Variants in CTIF observed in about 807,000 individuals in gnomAD.
The protein encoded by CTIF is cap binding complex dependent translation initiation factor.
Under a neutral mutation model 66.0 loss-of-function variants are expected in CTIF, and 21 were observed. The observed-to-expected ratio is 0.32, with a 90% CI of 0.23 to 0.46. CTIF has a LOEUF of 0.46. Ranked by LOEUF, CTIF falls within the 20% of genes least tolerant of loss-of-function variation. The probability of loss-of-function intolerance (pLI) is 1.00; values close to 1 mark genes in which losing one functional copy is unlikely to be tolerated. For missense variants in CTIF, 739 were observed against 812.7 expected, an observed-to-expected ratio of 0.91 and a Z score of 1.10; for synonymous variants, 345 against 326.4, an observed-to-expected ratio of 1.06 and a Z score of -0.62.
At chr18:48,756,244 C>G (rs1908351121) in intron 7 of CTIF, 1 of 152,156 alleles carries the variant, frequency 6.6e-6, no homozygotes, top group Non-Finnish European at 1.5e-5. Context: ...CCCAGCACCC[C>G]AACAGGGTGG....
At chr18:48,742,448 A>G (rs893472968) in intron 7 of CTIF, among the ~76,000 whole-genome samples, 1 of 152,196 alleles carries the variant, frequency 6.6e-6, no homozygotes, top group Non-Finnish European at 1.5e-5. Context: ...AAGAGGCTGA[A>G]CCTGCCACAG....
At chr18:48,637,530 G>T (rs1020599494) in intron 3 of CTIF, among the ~76,000 whole-genome samples, 1 of 152,200 alleles carries the variant, frequency 6.6e-6, no homozygotes, top group Non-Finnish European at 1.5e-5. Context: ...TTTCAGAGCC[G>T]CTGCAGTCAT....
intron 3 of CTIF, among the ~76,000 whole-genome samples, chr18:48,655,818 C>T (rs1161576710): frequency 1.3e-5 from 2 of 152,212 alleles, no homozygotes; most frequent in East Asian, 1.9e-4. Context: ...AGAGAGCATC[C>T]TCCCGCTGTC....
chr18:48,687,972 G>A lies in CTIF; in HGVS notation c.507+17228G>A, dbSNP rs970095221. Among the ~76,000 whole-genome samples the A allele has an allele frequency of 2.6e-5, 4 of 152,248 alleles. No individual in the cohort carries two copies. The East Asian group carries it at 7.7e-4, about 29-fold the overall frequency. On this transcript the variant is annotated intron_variant, in intron 6 of 11. Coordinates refer to ENST00000256413, the MANE Select transcript of CTIF (RefSeq NM_014772.3). ...ATTTCAACAATCCACGCATTCTGCA[G>A]TTCCTGAAAACCGCTTGTGTAGAAC...
At chr18:48,647,703 A>G (rs181137942) in intron 3 of CTIF, among the ~76,000 whole-genome samples, 215 of 152,350 alleles carry the variant, frequency 1.4e-3, no homozygotes, top group African/African-American at 4.9e-3. Flanking sequence ...AGAAACAGGA[A>G]AGGGATAGAA....
At chr18:48,603,907 G>A (rs1390318954) in intron 1 of CTIF, among the ~76,000 whole-genome samples, 4 of 150,342 alleles carry the variant, frequency 2.7e-5, no homozygotes, top group Non-Finnish European at 5.9e-5. Flanking sequence ...GGAGAGCAGA[G>A]GCGCAATCTT....
chr18:48,625,680 G>A (rs145289995), intron 2 of CTIF, among the ~76,000 whole-genome samples: 3 of 152,072 alleles, frequency 2.0e-5, no homozygotes, highest in Non-Finnish European at 4.4e-5. Context: ...GATTCTTCTG[G>A]GCTTGCACAT....
intron 7 of CTIF, among the ~76,000 whole-genome samples, chr18:48,740,188 C>G (rs1262883827): frequency 6.6e-6 from 1 of 152,192 alleles, no homozygotes; most frequent in Non-Finnish European, 1.5e-5. Flanking sequence ...CGGGCAATTC[C>G]CCTTCTTTCT....
intron 3 of CTIF, among the ~76,000 whole-genome samples, chr18:48,651,093 G>A (rs1466622736): frequency 2.0e-5 from 3 of 152,066 alleles, no homozygotes; most frequent in Admixed American, 6.6e-5. Flanking sequence ...CAATTAACGG[G>A]CAAAATAACC....
intron 9 of CTIF, among the ~76,000 whole-genome samples, chr18:48,810,585 T>C (rs2068238911): frequency 6.6e-6 from 1 of 152,074 alleles, no homozygotes; most frequent in Non-Finnish European, 1.5e-5. Flanking sequence ...GAAGCTTGTT[T>C]CAATTTAATC....
intron 5 of CTIF, among the ~76,000 whole-genome samples, chr18:48,667,019 A>G (rs926516646): frequency 6.6e-6 from 1 of 151,422 alleles, no homozygotes; most frequent in African/African-American, 2.4e-5. Flanking sequence ...TCTCAAGTTC[A>G]GTGTAGCCAG....
At chr18:48,733,005 T>C (rs2092469301) in intron 7 of CTIF, among the ~76,000 whole-genome samples, 1 of 152,142 alleles carries the variant, frequency 6.6e-6, no homozygotes, top group Non-Finnish European at 1.5e-5. Flanking sequence ...ATCACCATCA[T>C]CAGAAAAAGA....
At position 48,862,832 on chromosome 18, in the gene CTIF, G is replaced by A. The variant is rs2069507200; in HGVS notation, c.*3273G>A. On this transcript the variant is annotated 3_prime_UTR_variant, in exon 12 of 12. Coordinates refer to ENST00000256413, the MANE Select transcript of CTIF (RefSeq NM_014772.3). ...CGGGCCTCCAAGAAGCCAAGTCCCAGTCTGTTTTCTGGCATCAGACACCGG... is the reference window on the plus strand; with the variant it reads ...CGGGCCTCCAAGAAGCCAAGTCCCAATCTGTTTTCTGGCATCAGACACCGG... 6.6e-6 allele frequency: 1 copy of A among 152,244 alleles called. No individual in the cohort carries two copies. 9.4% of individuals were successfully genotyped at this position (152,244 alleles called of 1,614,324 possible).
chr18:48,561,866 G>C (rs75051329), intron 1 of CTIF, among the ~76,000 whole-genome samples: 35 of 152,274 alleles, frequency 2.3e-4, no homozygotes, highest in African/African-American at 8.4e-4. Context: ...GTCTAGGCTG[G>C]GGGTTGGCAA....
chr18:48,724,056 C>A (rs1312537786), intron 7 of CTIF, among the ~76,000 whole-genome samples: 2 of 152,164 alleles, frequency 1.3e-5, no homozygotes, highest in African/African-American at 2.4e-5. Flanking sequence ...TTGGTGTAGT[C>A]ATCTCTGTAG....
intron 3 of CTIF, among the ~76,000 whole-genome samples, chr18:48,638,701 G>T (rs1490511687): frequency 1.3e-5 from 2 of 152,252 alleles, no homozygotes; most frequent in Non-Finnish European, 2.9e-5. Flanking sequence ...CCTTCAAGAA[G>T]CAGCTGAGCA....
At chr18:48,544,496 G>T (rs910759388) in intron 1 of CTIF, among the ~76,000 whole-genome samples, 3 of 152,202 alleles carry the variant, frequency 2.0e-5, no homozygotes, top group Admixed American at 6.5e-5. Flanking sequence ...GAACTTCCCA[G>T]AGCTTCTTAA....
intron 3 of CTIF, among the ~76,000 whole-genome samples, chr18:48,661,099 G>A (rs1327021573): frequency 1.3e-5 from 2 of 152,228 alleles, no homozygotes; most frequent in African/African-American, 2.4e-5. Flanking sequence ...CCTCCTGTGT[G>A]CCTGGCTTGG....
intron 1 of CTIF, among the ~76,000 whole-genome samples, chr18:48,547,013 C>T (rs903181442): frequency 6.6e-6 from 1 of 152,150 alleles, no homozygotes; most frequent in Non-Finnish European, 1.5e-5. Flanking sequence ...GCATCAGGGG[C>T]CTGGGGAGAG....
Sources: allele counts gnomAD v4.1 joint callset (sites outside exome capture counted in the v4.1 genomes callset), GRCh38; gene constraint gnomAD v4.1.1; transcripts MANE v1.5; gene names NCBI Gene and HGNC (gene_info 2026-07-23, HGNC 2026-07-21).